Variants in SERINC1 observed in about 807,000 individuals in gnomAD.
The protein encoded by SERINC1 is serine incorporator 1, also known as tumor differentially expressed protein 2.
SERINC1 carries 38 observed loss-of-function variants against 52.9 expected under a neutral mutation model. The observed-to-expected ratio is 0.72, with a 90% CI of 0.55 to 0.94. SERINC1 has a LOEUF of 0.94. Ranked by LOEUF, SERINC1 falls within the 40% of genes least tolerant of loss-of-function variation. The pLI is 0.00. For synonymous variants in SERINC1, 198 were observed against 183.1 expected, an observed-to-expected ratio of 1.08 and a Z score of -0.66; for missense variants, 471 against 533.9, an observed-to-expected ratio of 0.88 and a Z score of 1.16.
At chr6:122,460,885 G>T (rs9490457) in intron 1 of SERINC1, among the ~76,000 whole-genome samples, 21,532 of 152,016 alleles carry the variant, frequency 0.14, 1,621 homozygotes, top group East Asian at 0.26. Context: ...AGACATGGAA[G>T]ATAATTTAAA....
Position 122,451,775 on chromosome 6 carries a change from A to AT in SERINC1, c.760-22_760-21insA, listed in dbSNP as rs1361058186. On this transcript the variant is annotated intron_variant, in intron 6 of 9. Coordinates refer to ENST00000339697, the MANE Select transcript of SERINC1 (RefSeq NM_020755.4). ...GATTCCTACAAAAAAAAAAAAAAAA[A>AT]AATATATATATATATATATAGCAAC... 2,239 of 287,958 alleles carry AT rather than the reference A, an allele frequency of 7.8e-3. 11 individuals are homozygous for AT. Among genetic ancestry groups the AT allele is most frequent in the East Asian group, 0.04 (327 of 8,138 alleles). 17.8% of individuals were successfully genotyped at this position (287,958 alleles called of 1,614,324 possible). A position where few individuals can be genotyped will look rare whatever the true frequency, so the allele number is the denominator to read the frequency against.
At position 122,458,684 on chromosome 6, in the gene SERINC1, G is replaced by T; in HGVS notation, c.40-3C>A. The T allele has an allele frequency of 6.4e-7, 1 of 1,573,582 alleles. No individual in the cohort carries two copies. The highest frequency in any genetic ancestry group is 1.2e-5 in the South Asian group (1 of 84,910). On this transcript the variant is annotated splice_region_variant and splice_polypyrimidine_tract_variant and intron_variant, in intron 1 of 9. Coordinates refer to ENST00000339697, the MANE Select transcript of SERINC1 (RefSeq NM_020755.4). Reference sequence around the variant, plus strand: ...GCACTTCCACACAAACATGGTATCTGGGAAAAAGAATATTATTGAAAATAT... The same window carrying T: ...GCACTTCCACACAAACATGGTATCTTGGAAAAAGAATATTATTGAAAATAT...
chr6:122,461,265 TA>T (rs1775095074), intron 1 of SERINC1, among the ~76,000 whole-genome samples: 1 of 151,552 alleles, frequency 6.6e-6, no homozygotes, highest in African/African-American at 2.4e-5. Flanking sequence ...TCAAATTACT[TA>T]AAAAAGTAAT....
At chr6:122,467,821 G>A (rs1775213305) in intron 1 of SERINC1, among the ~76,000 whole-genome samples, 1 of 152,174 alleles carries the variant, frequency 6.6e-6, no homozygotes, top group South Asian at 2.1e-4. Context: ...AAGCTATGGG[G>A]ACATCAATGT....
chr6:122,455,843 CATG>C (rs1271675047), intron 3 of SERINC1, among the ~76,000 whole-genome samples: 2 of 152,030 alleles, frequency 1.3e-5, no homozygotes, highest in Non-Finnish European at 2.9e-5. Flanking sequence ...TTTATAAACA[CATG>C]ATAAATGCCT....
At chr6:122,467,385 A>C (rs1396642955) in intron 1 of SERINC1, among the ~76,000 whole-genome samples, 2 of 152,176 alleles carry the variant, frequency 1.3e-5, no homozygotes, top group East Asian at 3.9e-4. Context: ...CAGGTGGATC[A>C]CTTGAGGCTA....
At chr6:122,470,486 T>C (rs891779379) in intron 1 of SERINC1, among the ~76,000 whole-genome samples, 1 of 152,204 alleles carries the variant, frequency 6.6e-6, no homozygotes, top group African/African-American at 2.4e-5. Flanking sequence ...TATATGATAA[T>C]CAATTATCAG....
intron 5 of SERINC1, 56 bp from the exon 6 acceptor site, chr6:122,452,113 A>G: frequency 1.7e-6 from 2 of 1,152,100 alleles, no homozygotes; most frequent in Non-Finnish European, 2.3e-6. Context: ...ATTAGCAATT[A>G]GAAATGGGAC....
At chr6:122,452,616 G>C (rs1215493378) in intron 5 of SERINC1, among the ~76,000 whole-genome samples, 1 of 152,044 alleles carries the variant, frequency 6.6e-6, no homozygotes, top group Non-Finnish European at 1.5e-5. Flanking sequence ...AAGTTGTTTA[G>C]CCTTTATGCT....
At chr6:122,449,347 A>G (rs1229765370) in intron 7 of SERINC1, among the ~76,000 whole-genome samples, 7 of 152,260 alleles carry the variant, frequency 4.6e-5, no homozygotes, top group Admixed American at 3.3e-4. Flanking sequence ...AAAGAAAAGA[A>G]AAAGTTCTTG....
intron 1 of SERINC1, 141 bp downstream of exon 1, chr6:122,471,558 C>T: frequency 2.1e-6 from 2 of 965,062 alleles, no homozygotes; most frequent in East Asian, 2.4e-5. Flanking sequence ...CGAGAGGAGA[C>T]GGGAAGAAAA....
chr6:122,446,216 T>C (rs192743610), intron 9 of SERINC1, among the ~76,000 whole-genome samples: 12 of 152,088 alleles, frequency 7.9e-5, no homozygotes, highest in Admixed American at 1.3e-4. Context: ...ATCTTCCTTT[T>C]AACAGAAAAA....
At position 122,444,873 on chromosome 6, in the gene SERINC1, C is replaced by A; in HGVS notation, c.*171G>T. The A allele has an allele frequency of 1.6e-6, 1 of 626,202 alleles. No individual in the cohort carries two copies. The highest frequency in any genetic ancestry group is 2.7e-6 in the Non-Finnish European group (1 of 370,440). The allele number at this position is 626,202 out of a possible 1,614,324, so 38.8% of individuals were successfully genotyped here. A position where few individuals can be genotyped will look rare whatever the true frequency, so the allele number is the denominator to read the frequency against. Reference sequence around the variant, plus strand: ...CTGCAATTCATTCTACTTCACATATCAATGCACTTGGTAAGAAAATAACAA... The same window carrying A: ...CTGCAATTCATTCTACTTCACATATAAATGCACTTGGTAAGAAAATAACAA... On this transcript the variant is annotated 3_prime_UTR_variant, in exon 10 of 10. Transcript: ENST00000339697.
chr6:122,466,842 AG>A (rs1330877940), intron 1 of SERINC1, among the ~76,000 whole-genome samples: 1 of 152,196 alleles, frequency 6.6e-6, no homozygotes, highest in African/African-American at 2.4e-5. Context: ...TAGAAAATAC[AG>A]GTGAGAAAAT....
At chr6:122,467,943 A>G (rs1036808560) in intron 1 of SERINC1, among the ~76,000 whole-genome samples, 1 of 152,192 alleles carries the variant, frequency 6.6e-6, no homozygotes, top group Non-Finnish European at 1.5e-5. Context: ...AATAAACAAA[A>G]TCAAGAATAC....
rs1016276350 is a variant in SERINC1 at position 122,443,661 on chromosome 6, G to A, written c.*1383C>T. On this transcript the variant is annotated 3_prime_UTR_variant, in exon 10 of 10. Coordinates refer to ENST00000339697, the MANE Select transcript of SERINC1 (RefSeq NM_020755.4). The stretch of plus-strand genomic sequence containing the variant: ...TTTTGAACTGTGTAGTATACTATAA[G>A]CAGGAGTTTATTCTAAAACATTCCA... 6.6e-6 allele frequency: 1 copy of A among 152,158 alleles called. No homozygotes were observed. The highest frequency in any genetic ancestry group is 1.5e-5 in the Non-Finnish European group (1 of 68,036). The allele number at this position is 152,158 out of a possible 1,614,324, so 9.4% of individuals were successfully genotyped here.
chr6:122,445,883 C>CAACAAAAAAAAAAA (rs775303717), intron 9 of SERINC1, among the ~76,000 whole-genome samples: 1 of 62,836 alleles, frequency 1.6e-5, no homozygotes, highest in Non-Finnish European at 2.8e-5. Context: ...GACTCCATTT[C>CAACAAAAAAAAAAA]AAAAAAAAAA....
chr6:122,451,776 A>AAAAAAAATAT lies in SERINC1; in HGVS notation c.760-23_760-22insATATTTTTTT. ...ATTCCTACAAAAAAAAAAAAAAAAA[A>AAAAAAAATAT]ATATATATATATATATATAGCAACA... On this transcript the variant is annotated intron_variant, in intron 6 of 9. Coordinates refer to ENST00000339697, the MANE Select transcript of SERINC1 (RefSeq NM_020755.4). The AAAAAAAATAT allele has an allele frequency of 2.6e-3, 293 of 112,434 alleles. 1 individual carries two copies. Among genetic ancestry groups the AAAAAAAATAT allele is most frequent in the East Asian group, 3.4e-3 (10 of 2,960 alleles). The allele number at this position is 112,434 out of a possible 1,614,324, so 7.0% of individuals were successfully genotyped here. A position where few individuals can be genotyped will look rare whatever the true frequency, so the allele number is the denominator to read the frequency against.
intron 1 of SERINC1, among the ~76,000 whole-genome samples, chr6:122,467,077 C>G (rs1055823918): frequency 6.6e-5 from 10 of 152,020 alleles, no homozygotes; most frequent in African/African-American, 2.4e-4. Flanking sequence ...ACATGGTCGT[C>G]AACCAAATGA....
Sources: allele counts gnomAD v4.1 joint callset (sites outside exome capture counted in the v4.1 genomes callset), GRCh38; gene constraint gnomAD v4.1.1; transcripts MANE v1.5; gene names NCBI Gene and HGNC (gene_info 2026-07-23, HGNC 2026-07-21).